The following CD5 variants were observed in gnomAD, a reference collection of about 807,000 sequenced individuals.
The protein encoded by CD5 is CD5 molecule, also known as T-cell surface glycoprotein CD5.
In CD5, 36 loss-of-function variants were observed where a neutral mutation model predicts 60.3. The observed-to-expected ratio is 0.60, with a 90% CI of 0.46 to 0.79. CD5 has a LOEUF of 0.79. CD5 is among the 30% of genes least tolerant of loss of function. The pLI, the probability that CD5 is intolerant of heterozygous loss-of-function variation, is 0.00. For missense variants in CD5, 540 were observed against 630.6 expected (o/e 0.86, Z 1.54); for synonymous variants, 230 against 257.6 (o/e 0.89, Z 1.03).
At chr11:61,116,327 C>T (rs1208619282) in intron 2 of CD5, among the ~76,000 whole-genome samples, 6 of 151,876 alleles carry the variant, frequency 4.0e-5, no homozygotes, top group African/African-American at 7.3e-5. Flanking sequence ...GTAATGACTA[C>T]GTTTATTTGT....
At chr11:61,100,443 A>ACAACATGGAGATTACACACACACAT (rs1860653087), upstream of CD5, among the ~76,000 whole-genome samples, 2 of 146,226 alleles carry the variant, frequency 1.4e-5, no homozygotes, top group Non-Finnish European at 3.0e-5. Flanking sequence ...TCACACACAC[A>ACAACATGGAGATTACACACACACAT]CAACATGGAG....
upstream of CD5, among the ~76,000 whole-genome samples, chr11:61,099,909 ACAT>A (rs1235572433): frequency 6.6e-6 from 1 of 152,064 alleles, no homozygotes; most frequent in Non-Finnish European, 1.5e-5. Context: ...GATCACACAC[ACAT>A]CAACATGGAG....
At chr11:61,119,160 G>A in intron 4 of CD5, 74 bp from the exon 5 acceptor site, 4 of 1,415,502 alleles carry the variant, frequency 2.8e-6, no homozygotes, top group Non-Finnish European at 2.9e-6. Flanking sequence ...ACAAGTTGGG[G>A]CCAAACAGCA....
intron 1 of CD5, among the ~76,000 whole-genome samples, chr11:61,107,300 C>T (rs1860790306): frequency 6.6e-6 from 1 of 152,130 alleles, no homozygotes; most frequent in Admixed American, 6.5e-5. Flanking sequence ...GAGGCAGCCA[C>T]GAGGGCCACG....
rs1861161234 is a variant in CD5 at position 61,127,289 on chromosome 11, C to A, written c.*1004C>A. On this transcript the variant is annotated 3_prime_UTR_variant, in exon 11 of 11. Transcript: ENST00000347785. ...TGAGAAGAGGAGGTCTACCCAGGAG[C>A]CTCGGGTCTGATCAAGGGAGAGGCC... The A allele has an allele frequency of 6.6e-6, 1 of 152,092 alleles. No homozygotes were observed. Among genetic ancestry groups the A allele is most frequent in the Non-Finnish European group, 1.5e-5 (1 of 68,056 alleles). 9.4% of individuals were successfully genotyped at this position (152,092 alleles called of 1,614,324 possible). A position where few individuals can be genotyped will look rare whatever the true frequency, so the allele number is the denominator to read the frequency against.
intron 7 of CD5, 50 bp from the exon 8 acceptor site, chr11:61,123,834 C>G: frequency 8.3e-7 from 1 of 1,202,284 alleles, no homozygotes; most frequent in Non-Finnish European, 1.2e-6. Flanking sequence ...CCTGCCCCCA[C>G]CCATACCTGC....
intron 1 of CD5, 96 bp downstream of exon 1, chr11:61,102,711 C>T (rs1176697240): frequency 9.4e-7 from 1 of 1,061,740 alleles, no homozygotes. Context: ...CTGGGATCCA[C>T]ATGTCAGCCC....
At position 61,125,113 on chromosome 11, in the gene CD5, G is replaced by C. The variant is rs1376128499; in HGVS notation, c.1361G>C (p.Ser454Thr). ...GCCTCCCACGTGGATAACGAATACA[G>C]CCAACCTCCCAGGAACTCCCACCTG... is the stretch of plus-strand genomic sequence containing the variant. ...PTASHVDNEYSQPPRNSHLSA... is the reference protein window; with the variant it reads ...PTASHVDNEYTQPPRNSHLSA... Residue 454 changes from serine to threonine, a missense_variant, in exon 9 of 11, where the codon AGC becomes ACC. Transcript: ENST00000347785. 1 of 1,614,054 alleles carries C rather than the reference G, an allele frequency of 6.2e-7. No individual in the cohort carries two copies. The highest frequency in any genetic ancestry group is 1.1e-5 in the South Asian group (1 of 91,080).
chr11:61,114,080 G>C (rs1448096465), intron 1 of CD5, among the ~76,000 whole-genome samples: 1 of 152,132 alleles, frequency 6.6e-6, no homozygotes, highest in Non-Finnish European at 1.5e-5. Context: ...AAAGTGATCA[G>C]TGCATTCTGA....
Position 61,122,960 on chromosome 11 carries a change from C to G in CD5, c.1153C>G (p.Leu385Val), listed in dbSNP as rs753805856. ...CGCAGGCACGGTGGCAAGCATCATCCTGGCCCTGGTGCTCCTGGTGGTGCT... is the reference window on the plus strand; with the variant it reads ...CGCAGGCACGGTGGCAAGCATCATCGTGGCCCTGGTGCTCCTGGTGGTGCT... ...LAAGTVASII[L>V]ALVLLVVLLV... Residue 385 changes from leucine (L) to valine (V), a missense_variant, in exon 7 of 11, where the codon CTG (leucine) becomes GTG (valine). Transcript: ENST00000347785. The G allele has an allele frequency of 1.4e-5, 22 of 1,614,014 alleles. No individual in the cohort carries two copies. Among genetic ancestry groups the G allele is most frequent in the Non-Finnish European group, 1.8e-5 (21 of 1,179,972 alleles).
Position 61,125,140 on chromosome 11 carries a change from C to A in CD5, c.1388C>A (p.Ser463Ter), listed in dbSNP as rs760447055. The A allele has an allele frequency of 1.2e-6, 2 of 1,614,036 alleles. No individual in the cohort carries two copies. Among genetic ancestry groups the A allele is most frequent in the Non-Finnish European group, 1.7e-6 (2 of 1,179,950 alleles). The change falls in exon 9 of 11, where the codon TCA becomes TAA. Residue 463 changes from serine (S) to a stop codon, truncating the protein, a stop_gained. Coordinates refer to ENST00000347785, the MANE Select transcript of CD5 (RefSeq NM_014207.4). LOFTEE classifies it high-confidence loss of function. The stretch of plus-strand genomic sequence containing the variant: ...CAACCTCCCAGGAACTCCCACCTGT[C>A]AGCTTATCCAGGTAAGCACCAGCGG... ...YSQPPRNSHL[S>*]AYPALEGALH... is the part of the protein sequence containing the mutation.
intron 9 of CD5, 115 bp downstream of exon 9, chr11:61,125,266 C>T: frequency 8.4e-7 from 1 of 1,194,682 alleles, no homozygotes; most frequent in Non-Finnish European, 1.2e-6. Context: ...ATGGAGACCC[C>T]AGGGTGCAAG....
intron 1 of CD5, among the ~76,000 whole-genome samples, chr11:61,104,895 T>C (rs1860756427): frequency 6.6e-6 from 1 of 152,144 alleles, no homozygotes; most frequent in South Asian, 2.1e-4. Context: ...GGCCCCTCCC[T>C]TAGCTAAAAG....
At chr11:61,102,360 G>A, upstream of CD5, 1 of 593,502 alleles carries the variant, frequency 1.7e-6, no homozygotes, top group Non-Finnish European at 3.0e-6. Flanking sequence ...TTCAAACAGG[G>A]GCAGGTGGTT....
chr11:61,103,687 GTC>G (rs1253651616), intron 1 of CD5, among the ~76,000 whole-genome samples: 3 of 150,384 alleles, frequency 2.0e-5, no homozygotes, highest in African/African-American at 5.0e-5. Context: ...CTGTGTGTGA[GTC>G]TCTGGGCATG....
At chr11:61,100,090 T>G (rs1486530155), upstream of CD5, among the ~76,000 whole-genome samples, 1 of 122,622 alleles carries the variant, frequency 8.2e-6, no homozygotes, top group Non-Finnish European at 1.6e-5. Context: ...CACATCAACA[T>G]GGAGATCACA....
intron 1 of CD5, among the ~76,000 whole-genome samples, chr11:61,109,645 G>C (rs1860823994): frequency 6.6e-6 from 1 of 152,162 alleles, no homozygotes; most frequent in African/African-American, 2.4e-5. Context: ...AGGAATGAGA[G>C]GGACAGGGAG....
In CD5 at chr11:61,125,941, C is replaced by T. The variant is rs958814622; in HGVS notation, c.*2+100C>T. On this transcript the variant is annotated intron_variant, in intron 10 of 10. Coordinates refer to ENST00000347785, the MANE Select transcript of CD5 (RefSeq NM_014207.4). ...TGCCTCCCCTCAGTCCCACCCTGCCCATACATGAATAGGGGACCCCCAGCA... is the reference window on the plus strand; with the variant it reads ...TGCCTCCCCTCAGTCCCACCCTGCCTATACATGAATAGGGGACCCCCAGCA... 1.8e-5 allele frequency: 11 copies of T among 609,246 alleles called. No individual in the cohort carries two copies. In the South Asian group the frequency reaches 3.6e-4, roughly 20 times the overall value. The allele number at this position is 609,246 out of a possible 1,614,324, so 37.7% of individuals were successfully genotyped here. A position where few individuals can be genotyped will look rare whatever the true frequency, so the allele number is the denominator to read the frequency against.
chr11:61,097,797 G>A (rs1565180224), upstream of CD5, among the ~76,000 whole-genome samples: 1 of 152,110 alleles, frequency 6.6e-6, no homozygotes, highest in South Asian at 2.1e-4. Flanking sequence ...GGCACAAGAC[G>A]GCTTGTGGGG....
Sources: allele counts gnomAD v4.1 joint callset (sites outside exome capture counted in the v4.1 genomes callset), GRCh38; gene constraint gnomAD v4.1.1; transcripts MANE v1.5; gene names NCBI Gene and HGNC (gene_info 2026-07-23, HGNC 2026-07-21).